Variants in MYH1 observed in about 807,000 individuals in gnomAD.
MYH1 encodes the protein myosin heavy chain 1, also known as myosin-1.
MYH1 carries 214 observed loss-of-function variants against 225.6 expected under a neutral mutation model. The observed-to-expected ratio is 0.95, with a 90% CI of 0.85 to 1.06. MYH1 has a LOEUF of 1.06. Ranked by LOEUF, MYH1 falls within the 50% of genes least tolerant of loss-of-function variation. The pLI, the probability that MYH1 is intolerant of heterozygous loss-of-function variation, is 0.00. For synonymous variants in MYH1, 774 were observed against 842.3 expected, an observed-to-expected ratio of 0.92 and a Z score of 1.40; for missense variants, 2,098 against 2,344.2, an observed-to-expected ratio of 0.89 and a Z score of 2.17.
intron 19 of MYH1, 81 bp from the exon 20 acceptor site, chr17:10,505,592 C>T: frequency 6.6e-7 from 1 of 1,518,718 alleles, no homozygotes; most frequent in Non-Finnish European, 8.9e-7. Flanking sequence ...AACAACATAG[C>T]CACTGGGTAA....
At chr17:10,516,850 G>A (rs2073235062) in intron 2 of MYH1, among the ~76,000 whole-genome samples, 168 bp from the exon 3 acceptor site, 1 of 152,180 alleles carries the variant, frequency 6.6e-6, no homozygotes, top group Non-Finnish European at 1.5e-5. Flanking sequence ...CTTGTTCTGT[G>A]CCAGTGCTGA....
In MYH1 at chr17:10,508,658, G is replaced by A. The variant is rs202088665; in HGVS notation, c.1602C>T (p.Phe534=). Residue 534 remains phenylalanine (F), a synonymous_variant, in exon 16 of 40, where the codon TTC becomes TTT. Transcript: ENST00000226207. The stretch of plus-strand genomic sequence containing the variant: ...ACATGCACTCCTCTTCCAGGATGGA[G>A]AAGATGCCCATAGGCTGGAAGAATG... The part of the protein sequence containing the change: ...IELIEKPMGI[F]SILEEECMFP... 9.9e-6 allele frequency: 16 copies of A among 1,614,130 alleles called. No individual in the cohort carries two copies. The highest frequency in any genetic ancestry group is 1.3e-5 in the Non-Finnish European group (15 of 1,179,974).
chr17:10,500,538 C>A, intron 28 of MYH1, 88 bp downstream of exon 28: 2 of 1,583,042 alleles, frequency 1.3e-6, no homozygotes, highest in Non-Finnish European at 1.7e-6. Context: ...TAGTATATGA[C>A]CTCAAGTAAA....
Position 10,499,057 on chromosome 17 carries a change from G to T in MYH1, c.3901C>A (p.Leu1301Ile), listed in dbSNP as rs1567716423. Reference protein sequence around the residue: ...YSRQLDEKDTLVSQLSRGKQA... With the variant: ...YSRQLDEKDTIVSQLSRGKQA... ...TTGCCCCTCGAGAGCTGTGAAACTA[G>T]TGTGTCCTTTTCATCTAGCTGGCGT... Residue 1301 changes from leucine (L) to isoleucine (I), a missense_variant, in exon 29 of 40, where the codon CTA becomes ATA. By Grantham distance (5) the Leu-to-Ile change is conservative. Coordinates refer to ENST00000226207, the MANE Select transcript of MYH1 (RefSeq NM_005963.4). 3 of 1,614,104 alleles carry T rather than the reference G, an allele frequency of 1.9e-6. No homozygotes were observed. The highest frequency in any genetic ancestry group is 2.5e-6 in the Non-Finnish European group (3 of 1,179,986).
chr17:10,494,526 C>T (rs1435522200), intron 38 of MYH1, 43 bp downstream of exon 38: 6 of 1,610,486 alleles, frequency 3.7e-6, no homozygotes, highest in Middle Eastern at 1.7e-4. Flanking sequence ...CTTTTAATCC[C>T]ATGTGGACTA....
At chr17:10,493,155 A>G (rs2072952160) in intron 39 of MYH1, among the ~76,000 whole-genome samples, 1 of 152,232 alleles carries the variant, frequency 6.6e-6, no homozygotes, top group Non-Finnish European at 1.5e-5. Flanking sequence ...AAAATGTGGC[A>G]TTCAAATTTA....
Position 10,516,249 on chromosome 17 carries a change from G to A in MYH1, c.298C>T (p.Pro100Ser), listed in dbSNP as rs201260086. Residue 100 changes from proline (P) to serine (S), a missense_variant, in exon 4 of 40, where the codon CCT becomes TCT. Coordinates refer to ENST00000226207, the MANE Select transcript of MYH1 (RefSeq NM_005963.4). ...TCTTTGAGGTTGTACAGCACAGCAG[G>A]CTCGTGTAGATGAGTCATCATGGCC... ...DMAMMTHLHEPAVLYNLKERY... is the reference protein window; with the variant it reads ...DMAMMTHLHESAVLYNLKERY... 14 of 1,614,072 alleles carry A rather than the reference G, an allele frequency of 8.7e-6. No homozygotes were observed. The highest frequency in any genetic ancestry group is 1.2e-5 in the Non-Finnish European group (14 of 1,180,036).
Position 10,496,481 on chromosome 17 carries a change from C to G in MYH1, c.4725G>C (p.Glu1575Asp). 1 of 1,614,082 alleles carries G rather than the reference C, an allele frequency of 6.2e-7. No individual in the cohort carries two copies. Among genetic ancestry groups the G allele is most frequent in the East Asian group, 2.2e-5 (1 of 44,868 alleles). Residue 1575 changes from glutamate (E) to aspartate (D), a missense_variant, in exon 34 of 40, where the codon GAG (glutamate) becomes GAC (aspartate). Transcript: ENST00000226207. ...IQLELNQVKS[E>D]VDRKIAEKDE... is the part of the protein sequence containing the mutation. The stretch of plus-strand genomic sequence containing the variant: ...CTTTTTCAGCAATTTTCCTATCAAC[C>G]TCAGACTTGACTTGGTTCAACTCAA...
chr17:10,495,850 C>T, intron 35 of MYH1, 100 bp downstream of exon 35: 1 of 1,377,648 alleles, frequency 7.3e-7, no homozygotes, highest in Non-Finnish European at 9.8e-7. Context: ...CTTTATCCTT[C>T]ATGAAATCTT....
Position 10,509,485 on chromosome 17 carries a change from C to T in MYH1, c.1587G>A (p.Lys529=), listed in dbSNP as rs369732205. ...DLAACIELIE[K]PMGIFSILEE... is the part of the protein sequence containing the mutation. ...TGTGGTCTGCAAAAAGCAAGCCAAC[C>T]TTCTCGATGAGCTCGATGCAGGCAG... is the stretch of plus-strand genomic sequence containing the variant. Residue 529 remains lysine, a splice_region_variant and synonymous_variant, in exon 15 of 40, where the codon AAG becomes AAA. Transcript: ENST00000226207. The T allele has an allele frequency of 1.2e-6, 2 of 1,614,076 alleles. No individual in the cohort carries two copies. The highest frequency in any genetic ancestry group is 8.5e-7 in the Non-Finnish European group (1 of 1,180,018).
chr17:10,496,925 T>C, intron 33 of MYH1, 144 bp downstream of exon 33: 4 of 1,095,974 alleles, frequency 3.6e-6, no homozygotes, highest in Non-Finnish European at 2.6e-6. Flanking sequence ...GTTATGTTGG[T>C]TGTATGCATG....
intron 35 of MYH1, among the ~76,000 whole-genome samples, 195 bp downstream of exon 35, chr17:10,495,753 TCC>T: frequency 2.3e-4 from 1 of 4,294 alleles, no homozygotes; most frequent in African/African-American, 2.8e-4. Flanking sequence ...AGAGCGAGAC[TCC>T]GTCTCAAAAA....
chr17:10,515,395 G>C (rs546434154), intron 5 of MYH1, among the ~76,000 whole-genome samples: 1 of 152,124 alleles, frequency 6.6e-6, no homozygotes, highest in East Asian at 1.9e-4. Context: ...TCTTTCTAAG[G>C]GGGGAAAACA....
rs2072973882 is a variant in MYH1 at position 10,495,046 on chromosome 17, T to C, written c.5351A>G (p.Glu1784Gly). The change falls in exon 37 of 40, where the codon GAG (glutamate) becomes GGG (glycine). Residue 1784 changes from glutamate to glycine, a missense_variant. By Grantham distance (98) the Glu-to-Gly change is moderately conservative (BLOSUM62 -2). Transcript: ENST00000226207. ...KKEQDTSAHL[E>G]RMKKNLEQTV... ...CTGTTCCAGGTTCTTCTTCATCCGC[T>C]CCAGATGGGCGCTGGTGTCCTGTTC... is the stretch of plus-strand genomic sequence containing the variant. 4 of 1,614,106 alleles carry C rather than the reference T, an allele frequency of 2.5e-6. No homozygotes were observed. Among genetic ancestry groups the C allele is most frequent in the East Asian group, 2.2e-5 (1 of 44,900 alleles).
In MYH1 at chr17:10,496,353, A is replaced by G. The variant is rs1354093914; in HGVS notation, c.4853T>C (p.Leu1618Pro). Reference protein sequence around the residue: ...EIRSRNDAIRLKKKMEGDLNE... With the variant: ...EIRSRNDAIRPKKKMEGDLNE... ...GAGGTCTCCCTCCATCTTCTTCTTG[A>G]GCCTAATGGCATCATTCCTGCTCCT... Residue 1618 changes from leucine to proline, a missense_variant, in exon 34 of 40, where the codon CTC (leucine) becomes CCC (proline). Physicochemically the swap from Leu to Pro is moderately conservative, Grantham distance 98. Transcript: ENST00000226207. 2 of 1,613,820 alleles carry G rather than the reference A, an allele frequency of 1.2e-6. No homozygotes were observed. Among genetic ancestry groups the G allele is most frequent in the Non-Finnish European group, 1.7e-6 (2 of 1,180,024 alleles).
intron 17 of MYH1, among the ~76,000 whole-genome samples, chr17:10,507,643 C>G (rs1017898553): frequency 6.6e-6 from 1 of 152,150 alleles, no homozygotes; most frequent in Non-Finnish European, 1.5e-5. Flanking sequence ...ATACTGACTT[C>G]TGCAATTCGC....
Position 10,509,565 on chromosome 17 carries a change from C to T in MYH1, c.1507G>A (p.Glu503Lys). Residue 503 changes from glutamate (E) to lysine (K), a missense_variant, in exon 15 of 40, where the codon GAG becomes AAG. By Grantham distance (56) the Glu-to-Lys change is moderately conservative. Coordinates refer to ENST00000226207, the MANE Select transcript of MYH1 (RefSeq NM_005963.4). ...CACTCAATGCCTTCCTTCTTGTACT[C>T]CTCCTGCTCCAGCACGAACATGTGG... ...NHHMFVLEQE[E>K]YKKEGIEWTF... The T allele has an allele frequency of 1.9e-6, 3 of 1,614,210 alleles. No homozygotes were observed.
In MYH1 at chr17:10,501,774, C is replaced by A; in HGVS notation, c.3249G>T (p.Lys1083Asn). The change falls in exon 25 of 40, where the codon AAG (lysine) becomes AAT (asparagine). Residue 1083 changes from lysine to asparagine, a missense_variant. Physicochemically the swap from Lys to Asn is moderately conservative, Grantham distance 94. Transcript: ENST00000226207. ...GACCTAAAACTGCTTACTTTTTAAG[C>A]TTTTCATCAAGTTGTTGTTTGTCAT... ...IENDKQQLDEKLKKKEFEMSG... is the reference protein window; with the variant it reads ...IENDKQQLDENLKKKEFEMSG... The A allele has an allele frequency of 6.2e-7, 1 of 1,613,738 alleles. No individual in the cohort carries two copies. Among genetic ancestry groups the A allele is most frequent in the Non-Finnish European group, 8.5e-7 (1 of 1,179,890 alleles).
chr17:10,512,120 A>G lies in MYH1; in HGVS notation c.1220T>C (p.Val407Ala). 6.2e-7 allele frequency: 1 copy of G among 1,614,122 alleles called. No individual in the cohort carries two copies. Among genetic ancestry groups the G allele is most frequent in the South Asian group, 1.1e-5 (1 of 91,078 alleles). Residue 407 changes from valine to alanine, a missense_variant, in exon 13 of 40, where the codon GTC (valine) becomes GCC (alanine). Transcript: ENST00000226207. ...GGTGACATACTCATTGCCGACCTTG[A>G]CCCTAGGGTAGCAGAGGGCTTTGAG... ...DLLKALCYPRVKVGNEYVTKG... is the reference protein window; with the variant it reads ...DLLKALCYPRAKVGNEYVTKG...
Sources: allele counts gnomAD v4.1 joint callset (sites outside exome capture counted in the v4.1 genomes callset), GRCh38; gene constraint gnomAD v4.1.1; transcripts MANE v1.5; gene names NCBI Gene and HGNC (gene_info 2026-07-23, HGNC 2026-07-21).